IL22RA1: variants seen among roughly 807,000 people sequenced by gnomAD.
IL22RA1 encodes the protein interleukin 22 receptor subunit alpha 1.
In IL22RA1, 25 loss-of-function variants were observed where a neutral mutation model predicts 32.8. The observed-to-expected ratio is 0.76, with a 90% CI of 0.55 to 1.06. The LOEUF (loss-of-function observed/expected upper bound fraction) is 1.06. Ranked by LOEUF, IL22RA1 falls within the 50% of genes least tolerant of loss-of-function variation. The probability of loss-of-function intolerance (pLI) is 0.00; values close to 1 mark genes in which losing one functional copy is unlikely to be tolerated. For synonymous variants in IL22RA1, 305 were observed against 305.0 expected, an observed-to-expected ratio of 1.00 and a Z score of 0.00; for missense variants, 709 against 727.4, an observed-to-expected ratio of 0.97 and a Z score of 0.29.
At chr1:24,134,123 C>T (rs1436260059) in intron 4 of IL22RA1, 88 bp downstream of exon 4, 1 of 1,095,400 alleles carries the variant, frequency 9.1e-7, no homozygotes, top group Non-Finnish European at 1.3e-6. Context: ...CATAACATGT[C>T]CCCTTTTTTT....
intron 5 of IL22RA1, among the ~76,000 whole-genome samples, chr1:24,127,723 T>G (rs1346249438): frequency 6.6e-6 from 1 of 152,234 alleles, no homozygotes; most frequent in Non-Finnish European, 1.5e-5. Context: ...TGGTTGTGCC[T>G]GGTTCCCAGT....
At chr1:24,122,555 G>A (rs191533394) in intron 6 of IL22RA1, among the ~76,000 whole-genome samples, 590 of 152,234 alleles carry the variant, frequency 3.9e-3, no homozygotes, top group Non-Finnish European at 6.6e-3. Flanking sequence ...CAGCACTTTG[G>A]GAGGCCGAGG....
intron 3 of IL22RA1, chr1:24,134,873 C>G (rs920705594): frequency 4.1e-6 from 4 of 982,004 alleles, no homozygotes; most frequent in Non-Finnish European, 4.8e-6. Context: ...TTCCAAATAA[C>G]CAAATTACCT....
In IL22RA1 at chr1:24,121,130, G is replaced by T; in HGVS notation, c.1400C>A (p.Pro467His). The T allele has an allele frequency of 1.2e-6, 2 of 1,614,210 alleles. No homozygotes were observed. The highest frequency in any genetic ancestry group is 1.7e-6 in the Non-Finnish European group (2 of 1,180,032). Reference protein sequence around the residue: ...ESQEAKSLHQPLGICTDRTSD... With the variant: ...ESQEAKSLHQHLGICTDRTSD... ...TGTTCTGTCTGTGCAAATCCCCAGGGGCTGGTGCAATGATTTTGCTTCTTG... is the reference window on the plus strand; with the variant it reads ...TGTTCTGTCTGTGCAAATCCCCAGGTGCTGGTGCAATGATTTTGCTTCTTG... Residue 467 changes from proline to histidine, a missense_variant, in exon 7 of 7, where the codon CCC (proline) becomes CAC (histidine). By Grantham distance (77) the Pro-to-His change is moderately conservative. Coordinates refer to ENST00000270800, the MANE Select transcript of IL22RA1 (RefSeq NM_021258.4).
intron 4 of IL22RA1, among the ~76,000 whole-genome samples, chr1:24,130,519 C>A (rs943003409): frequency 9.9e-5 from 15 of 152,120 alleles, no homozygotes; most frequent in Non-Finnish European, 1.5e-4. Context: ...TAATTGCCTA[C>A]CAAAACCGGA....
chr1:24,138,571 G>C lies in IL22RA1; in HGVS notation c.176+11C>G, dbSNP rs1644258618. On this transcript the variant is annotated intron_variant, in intron 2 of 6. Transcript: ENST00000270800. ...TCAGTCAAAGGAGGTGGGGTCAAGA[G>C]AGAAGCCTACGTCTTATACTCGATG... The C allele has an allele frequency of 1.2e-6, 2 of 1,614,016 alleles. No individual in the cohort carries two copies. The highest frequency in any genetic ancestry group is 2.2e-5 in the South Asian group (2 of 91,078).
Position 24,121,450 on chromosome 1 carries a change from C to T in IL22RA1, c.1080G>A (p.Gly360=). ...TCACCTGAGGTGCATAGGATGGGGG[C>T]CCGACCTCAGGGGCAGCGTTTGGGG... ...SYAPNAAPEV[G]PPSYAPQVTP... Residue 360 remains glycine, a synonymous_variant, in exon 7 of 7, where the codon GGG becomes GGA. Transcript: ENST00000270800. The T allele has an allele frequency of 6.5e-7, 1 of 1,545,232 alleles. No homozygotes were observed. Among genetic ancestry groups the T allele is most frequent in the Non-Finnish European group, 8.7e-7 (1 of 1,143,550 alleles).
At chr1:24,137,343 G>A (rs1644249468) in intron 2 of IL22RA1, 34 bp from the exon 3 acceptor site, 1 of 1,602,656 alleles carries the variant, frequency 6.2e-7, no homozygotes, top group Non-Finnish European at 8.5e-7. Context: ...TCACCGTGGT[G>A]ATGAAAAGGC....
intron 4 of IL22RA1, among the ~76,000 whole-genome samples, chr1:24,129,419 G>A (rs971784031): frequency 6.6e-6 from 1 of 152,198 alleles, no homozygotes; most frequent in African/African-American, 2.4e-5. Flanking sequence ...CAACATGTCC[G>A]AACATGCTGC....
rs1644112825 is a variant in IL22RA1, at chr1:24,120,608, C to T, written c.*197G>A. On this transcript the variant is annotated 3_prime_UTR_variant, in exon 7 of 7. Coordinates refer to ENST00000270800, the MANE Select transcript of IL22RA1 (RefSeq NM_021258.4). Reference sequence around the variant, plus strand: ...CTCCCCAGAGCTCCCCCGCTGCAGTCCTTATCATGCTGCTTTGCTCCGGTG... The same window carrying T: ...CTCCCCAGAGCTCCCCCGCTGCAGTTCTTATCATGCTGCTTTGCTCCGGTG... The T allele has an allele frequency of 8.7e-6, 5 of 575,334 alleles. No individual in the cohort carries two copies. The highest frequency in any genetic ancestry group is 1.5e-5 in the Non-Finnish European group (5 of 327,182). The allele number at this position is 575,334 out of a possible 1,614,324, so 35.6% of individuals were successfully genotyped here.
chr1:24,120,927 ACT>A lies in IL22RA1; in HGVS notation c.1601_1602del (p.Glu534ValfsTer8). 1 of 1,614,028 alleles carries A rather than the reference ACT, an allele frequency of 6.2e-7. No individual in the cohort carries two copies. Reference protein sequence around the residue: ...DQGPSPWGLLESLVCPKDEAK... With the variant: ...DQGPSPWGLLXSLVCPKDEAK... ...GCTTCATCCTTGGGACACACAAGGG[ACT>A]CCAGCAGGCCCCAGGGACTTGGACC... On this transcript the variant is annotated frameshift_variant, in exon 7 of 7. Transcript: ENST00000270800. LOFTEE classifies it low-confidence loss of function (END_TRUNC).
chr1:24,141,154 G>A (rs150707159), intron 1 of IL22RA1, among the ~76,000 whole-genome samples: 8 of 152,360 alleles, frequency 5.3e-5, no homozygotes, highest in East Asian at 1.9e-4. Flanking sequence ...GGGATGGCGC[G>A]GGGAGGGGTC....
chr1:24,129,347 TAG>T (rs1326063180), intron 4 of IL22RA1, among the ~76,000 whole-genome samples: 2 of 152,236 alleles, frequency 1.3e-5, no homozygotes, highest in African/African-American at 4.8e-5. Context: ...GGAAGAGCTG[TAG>T]AGTTTCTGAT....
At chr1:24,132,836 C>CT (rs1427736744) in intron 4 of IL22RA1, among the ~76,000 whole-genome samples, 2 of 151,078 alleles carry the variant, frequency 1.3e-5, no homozygotes, top group African/African-American at 4.9e-5. Context: ...CCCCGTCTCT[C>CT]TTTTTTTTAA....
At position 24,137,213 on chromosome 1, in the gene IL22RA1, G is replaced by A. The variant is rs1482353509; in HGVS notation, c.273C>T (p.Leu91=). 6.2e-7 allele frequency: 1 copy of A among 1,614,150 alleles called. No individual in the cohort carries two copies. Among genetic ancestry groups the A allele is most frequent in the East Asian group, 2.2e-5 (1 of 44,880 alleles). ...LTVETGNLTE[L]YYARVTAVSA... Reference sequence around the variant, plus strand: ...TGACAGCGGTGACCCTGGCATAGTAGAGCTCCGTGAGGTTGCCCGTCTCCA... The same window carrying A: ...TGACAGCGGTGACCCTGGCATAGTAAAGCTCCGTGAGGTTGCCCGTCTCCA... Residue 91 remains leucine, a synonymous_variant, in exon 3 of 7, where the codon CTC becomes CTT. Transcript: ENST00000270800.
intron 5 of IL22RA1, among the ~76,000 whole-genome samples, chr1:24,127,755 T>C (rs1397015206): frequency 6.6e-6 from 1 of 152,208 alleles, no homozygotes; most frequent in Non-Finnish European, 1.5e-5. Flanking sequence ...AAATGCTAGT[T>C]ATCATGATAC....
intron 3 of IL22RA1, 138 bp from the exon 4 acceptor site, chr1:24,134,524 G>T: frequency 1.7e-6 from 1 of 592,040 alleles, no homozygotes; most frequent in Non-Finnish European, 2.6e-6. Context: ...GAAAGCAACG[G>T]CTAAACAAAC....
rs778277274 is a variant in IL22RA1, at chr1:24,134,285, G to A, written c.457C>T (p.Arg153Trp). The A allele has an allele frequency of 5.0e-6, 8 of 1,610,174 alleles. No individual in the cohort carries two copies. In the Admixed American group the frequency reaches 8.4e-5, roughly 17 times the overall value. ...PTPIRAGDGHRLTLEDIFHDL... is the reference protein window; with the variant it reads ...PTPIRAGDGHWLTLEDIFHDL... ...TGGAAGATGTCTTCCAGGGTTAGCC[G>A]GTGGCCATCGCCTGCACGGATTGGC... is the stretch of plus-strand genomic sequence containing the variant. Residue 153 changes from arginine (R) to tryptophan (W), a missense_variant, in exon 4 of 7, where the codon CGG becomes TGG. Coordinates refer to ENST00000270800, the MANE Select transcript of IL22RA1 (RefSeq NM_021258.4).
chr1:24,124,410 T>C (rs1458481700), intron 5 of IL22RA1, among the ~76,000 whole-genome samples: 1 of 152,202 alleles, frequency 6.6e-6, no homozygotes, highest in Admixed American at 6.5e-5. Flanking sequence ...AGCCTCTCCC[T>C]GTGTCTCAGC....
Sources: allele counts gnomAD v4.1 joint callset (sites outside exome capture counted in the v4.1 genomes callset), GRCh38; gene constraint gnomAD v4.1.1; transcripts MANE v1.5; gene names NCBI Gene and HGNC (gene_info 2026-07-23, HGNC 2026-07-21).